The following FKTN variants were observed in gnomAD, a reference collection of about 807,000 sequenced individuals.
The protein encoded by FKTN is fukutin, also known as ribitol-5-phosphate transferase FKTN.
In FKTN, 47 loss-of-function variants were observed where a neutral mutation model predicts 58.6. That is an observed-to-expected ratio of 0.80 (90% CI 0.63 to 1.02). The LOEUF is 1.02. Ranked by LOEUF, FKTN falls within the 50% of genes least tolerant of loss-of-function variation. The pLI, the probability that FKTN is intolerant of heterozygous loss-of-function variation, is 0.00. For missense variants in FKTN, 516 were observed against 537.3 expected (o/e 0.96, Z 0.39); for synonymous variants, 178 against 191.9 (o/e 0.93, Z 0.60).
rs1401944474 is a variant in FKTN, at chr9:105,638,985, A to C, written c.*3721A>C. On this transcript the variant is annotated 3_prime_UTR_variant, in exon 11 of 11. Coordinates refer to ENST00000357998, the MANE Select transcript of FKTN (RefSeq NM_001079802.2). ...GGAATGAGCTTCCACACTTCAGTCT[A>C]AAATCTCACCCAAACTTATGGCTAC... The C allele has an allele frequency of 1.0e-6, 1 of 985,108 alleles. No homozygotes were observed. The highest frequency in any genetic ancestry group is 1.7e-5 in the African/African-American group (1 of 57,242). The allele number at this position is 985,108 out of a possible 1,614,324, so 61.0% of individuals were successfully genotyped here.
chr9:105,575,389 A>C (rs954391285), intron 3 of FKTN, among the ~76,000 whole-genome samples: 2 of 152,328 alleles, frequency 1.3e-5, no homozygotes, highest in Non-Finnish European at 2.9e-5. Flanking sequence ...TTATTTTGTT[A>C]AACAGATTAT....
In FKTN at chr9:105,637,271, C is replaced by A; in HGVS notation, c.*2007C>A. 1 of 985,296 alleles carries A rather than the reference C, an allele frequency of 1.0e-6. No homozygotes were observed. The highest frequency in any genetic ancestry group is 1.2e-6 in the Non-Finnish European group (1 of 829,716). The allele number at this position is 985,296 out of a possible 1,614,324, so 61.0% of individuals were successfully genotyped here. Reference sequence around the variant, plus strand: ...TTCTTTGCCAGGAGATCTTACCCATCCCTTTTCAGATTAATCTTTTATCCT... The same window carrying A: ...TTCTTTGCCAGGAGATCTTACCCATACCTTTTCAGATTAATCTTTTATCCT... On this transcript the variant is annotated 3_prime_UTR_variant, in exon 11 of 11. Transcript: ENST00000357998.
chr9:105,602,269 T>G (rs1050446460), intron 5 of FKTN, among the ~76,000 whole-genome samples: 4 of 152,254 alleles, frequency 2.6e-5, no homozygotes, highest in African/African-American at 9.6e-5. Flanking sequence ...TAGATTTTCA[T>G]ATTTTGGATT....
At chr9:105,630,668 C>T (rs1833304290) in intron 10 of FKTN, among the ~76,000 whole-genome samples, 1 of 151,940 alleles carries the variant, frequency 6.6e-6, no homozygotes, top group Non-Finnish European at 1.5e-5. Context: ...TGAAAAAATA[C>T]TAAATGAATA....
chr9:105,571,520 AAG>A (rs1236437244), intron 1 of FKTN, among the ~76,000 whole-genome samples: 1 of 152,190 alleles, frequency 6.6e-6, no homozygotes, highest in Non-Finnish European at 1.5e-5. Flanking sequence ...TTTATTTTAT[AAG>A]AATTAGTTGT....
intron 1 of FKTN, among the ~76,000 whole-genome samples, chr9:105,561,708 T>G (rs867575999): frequency 2.0e-5 from 3 of 152,230 alleles, no homozygotes; most frequent in Non-Finnish European, 4.4e-5. Context: ...GAAGTTATAT[T>G]GCAAAGGATT....
rs1326227995 is a variant in FKTN, at chr9:105,638,076, C to A, written c.*2812C>A. The A allele has an allele frequency of 3.1e-6, 3 of 970,008 alleles. No individual in the cohort carries two copies. The highest frequency in any genetic ancestry group is 4.8e-5 in the South Asian group (1 of 20,958). The allele number at this position is 970,008 out of a possible 1,614,324, so 60.1% of individuals were successfully genotyped here. A position where few individuals can be genotyped will look rare whatever the true frequency, so the allele number is the denominator to read the frequency against. On this transcript the variant is annotated 3_prime_UTR_variant, in exon 11 of 11. Coordinates refer to ENST00000357998, the MANE Select transcript of FKTN (RefSeq NM_001079802.2). ...GCTAGAAAAACCATAATGTAATATTCTTTTTAAACCCTCTTATTTTATAAC... is the reference window on the plus strand; with the variant it reads ...GCTAGAAAAACCATAATGTAATATTATTTTTAAACCCTCTTATTTTATAAC...
intron 3 of FKTN, among the ~76,000 whole-genome samples, chr9:105,579,393 A>G (rs961867977): frequency 5.3e-5 from 8 of 151,942 alleles, no homozygotes; most frequent in Non-Finnish European, 7.4e-5. Flanking sequence ...TTCAAAGAAC[A>G]TCTTTATTTC....
intron 7 of FKTN, among the ~76,000 whole-genome samples, chr9:105,613,259 T>G (rs1036109383): frequency 5.9e-5 from 9 of 152,212 alleles, no homozygotes. Flanking sequence ...CTCCAGGCTT[T>G]TCCTACTACA....
At chr9:105,570,165 C>A (rs529953672) in intron 1 of FKTN, among the ~76,000 whole-genome samples, 157 of 151,266 alleles carry the variant, frequency 1.0e-3, no homozygotes, top group Non-Finnish European at 2.1e-3. Flanking sequence ...ATTTCAAATT[C>A]TGTTTTATTG....
chr9:105,585,213 C>G (rs542950724), intron 3 of FKTN, among the ~76,000 whole-genome samples: 2 of 151,944 alleles, frequency 1.3e-5, no homozygotes, highest in Admixed American at 1.3e-4. Flanking sequence ...TCGCTTGAGC[C>G]CAGGAATTCA....
intron 3 of FKTN, among the ~76,000 whole-genome samples, chr9:105,588,627 A>T (rs1465531648): frequency 6.6e-6 from 1 of 152,192 alleles, no homozygotes; most frequent in Non-Finnish European, 1.5e-5. Flanking sequence ...ACACTTCATA[A>T]CTTTTCTGTT....
At chr9:105,570,226 C>A (rs541398381) in intron 1 of FKTN, among the ~76,000 whole-genome samples, 5 of 151,834 alleles carry the variant, frequency 3.3e-5, no homozygotes, top group South Asian at 2.1e-4. Context: ...TTTCTGTTTT[C>A]TTGAGCATTG....
intron 10 of FKTN, among the ~76,000 whole-genome samples, chr9:105,629,346 C>A (rs1011941469): frequency 5.3e-5 from 8 of 152,166 alleles, no homozygotes; most frequent in Non-Finnish European, 1.2e-4. Flanking sequence ...TTGGTCAGGG[C>A]AGACCTAATT....
chr9:105,581,658 A>C (rs192806743), intron 3 of FKTN, among the ~76,000 whole-genome samples: 1 of 152,184 alleles, frequency 6.6e-6, no homozygotes, highest in Non-Finnish European at 1.5e-5. Flanking sequence ...GAGCCTACAG[A>C]GGCAGGCAGG....
At chr9:105,620,185 T>A in intron 10 of FKTN, 124 bp downstream of exon 10, 1 of 764,494 alleles carries the variant, frequency 1.3e-6, no homozygotes, top group Non-Finnish European at 2.2e-6. Flanking sequence ...TAGCTAACAC[T>A]TTCTTAGCTT....
chr9:105,613,484 A>C (rs906081915), intron 7 of FKTN, among the ~76,000 whole-genome samples: 2 of 152,222 alleles, frequency 1.3e-5, no homozygotes, highest in African/African-American at 4.8e-5. Context: ...CTTTCCTACT[A>C]TATTGTAAAA....
In FKTN at chr9:105,619,934, G is replaced by T; in HGVS notation, c.1045G>T (p.Val349Leu). The T allele has an allele frequency of 6.2e-7, 1 of 1,611,344 alleles. No homozygotes were observed. Among genetic ancestry groups the T allele is most frequent in the Middle Eastern group, 1.7e-4 (1 of 6,054 alleles). Residue 349 changes from valine to leucine, a missense_variant and splice_region_variant, in exon 10 of 11, where the codon GTA becomes TTA. Transcript: ENST00000357998. ...GLPLKHKFGKVEDSLELSFQG... is the reference protein window; with the variant it reads ...GLPLKHKFGKLEDSLELSFQG... ...GTGAAGGTTTTCATCTTCCCCATAGGTAGAAGACAGCTTGGAACTATCCTT... is the reference window on the plus strand; with the variant it reads ...GTGAAGGTTTTCATCTTCCCCATAGTTAGAAGACAGCTTGGAACTATCCTT...
intron 10 of FKTN, among the ~76,000 whole-genome samples, chr9:105,627,287 A>G (rs2133340924): frequency 6.6e-6 from 1 of 152,048 alleles, no homozygotes; most frequent in East Asian, 1.9e-4. Context: ...TACTCTCTTA[A>G]TAGTGATTTT....
Sources: allele counts gnomAD v4.1 joint callset (sites outside exome capture counted in the v4.1 genomes callset), GRCh38; gene constraint gnomAD v4.1.1; transcripts MANE v1.5; gene names NCBI Gene and HGNC (gene_info 2026-07-23, HGNC 2026-07-21).